NFIC: variants seen among roughly 807,000 people sequenced by gnomAD.
The protein encoded by NFIC is nuclear factor I C, also known as nuclear factor 1 C-type.
In NFIC, 12 loss-of-function variants were observed where a neutral mutation model predicts 54.4. The observed-to-expected ratio is 0.22, with a 90% CI of 0.14 to 0.36. The LOEUF is 0.36. Ranked by LOEUF, NFIC falls within the 10% of genes least tolerant of loss-of-function variation. The pLI is 1.00. For synonymous variants in NFIC, 322 were observed against 319.2 expected, an observed-to-expected ratio of 1.01 and a Z score of -0.09; for missense variants, 575 against 718.2, an observed-to-expected ratio of 0.80 and a Z score of 2.28.
Position 3,438,498 on chromosome 19 carries a change from C to T in NFIC, c.958+3291C>T, listed in dbSNP as rs188132389. Reference sequence around the variant, plus strand: ...TGTCGCCCAGGCTGGAGTGCAGTGGCGCCATCTCAGCTCACTGCAAGCTCC... The same window carrying T: ...TGTCGCCCAGGCTGGAGTGCAGTGGTGCCATCTCAGCTCACTGCAAGCTCC... On this transcript the variant is annotated intron_variant, in intron 6 of 10. Coordinates refer to ENST00000443272, the MANE Select transcript of NFIC (RefSeq NM_001245002.2). Among the ~76,000 whole-genome samples the T allele has an allele frequency of 1.9e-4, 28 of 149,286 alleles. No homozygotes were observed. In the East Asian group the frequency reaches 3.5e-3, roughly 19 times the overall value.
chr19:3,457,839 G>A (rs993563469), intron 10 of NFIC: 1 of 152,262 alleles, frequency 6.6e-6, no homozygotes, highest in African/African-American at 2.4e-5. Context: ...TCCCTGTGCT[G>A]GGTGCCCAGG....
rs1233569252 is a variant in NFIC, at chr19:3,467,970, TC to T, written c.*5203del. On this transcript the variant is annotated 3_prime_UTR_variant, in exon 11 of 11. Transcript: ENST00000443272. Reference sequence around the variant, plus strand: ...CCCCATTTCTGCCACGTCAGACACTTCCTGAGAGTCTCACCTTCAAAATGAC... The same window carrying T: ...CCCCATTTCTGCCACGTCAGACACTTCTGAGAGTCTCACCTTCAAAATGAC... 2 of 151,354 alleles carry T rather than the reference TC, an allele frequency of 1.3e-5. No homozygotes were observed. The highest frequency in any genetic ancestry group is 4.9e-5 in the African/African-American group (2 of 41,030). 9.4% of individuals were successfully genotyped at this position (151,354 alleles called of 1,614,324 possible). A position where few individuals can be genotyped will look rare whatever the true frequency, so the allele number is the denominator to read the frequency against.
In NFIC at chr19:3,375,061, C is replaced by A. The variant is rs1356543072; in HGVS notation, c.31-6651C>A. Reference sequence around the variant, plus strand: ...ACAGTTAGGGAGGAGGAAGGGAACTCAGATCTACGAGGGGCCAGATGAGAA... The same window carrying A: ...ACAGTTAGGGAGGAGGAAGGGAACTAAGATCTACGAGGGGCCAGATGAGAA... On this transcript the variant is annotated intron_variant, in intron 1 of 10. Transcript: ENST00000443272. The surrounding 1 kb of genome is among the most constrained non-coding windows in gnomAD (Gnocchi z 4.6). Among the ~76,000 whole-genome samples, 1 of 144,538 alleles carries A rather than the reference C, an allele frequency of 6.9e-6. No individual in the cohort carries two copies. The highest frequency in any genetic ancestry group is 2.0e-4 in the East Asian group (1 of 4,946). 94.8% of individuals were successfully genotyped at this position (144,538 alleles called of 152,430 possible). A position where few individuals can be genotyped will look rare whatever the true frequency, so the allele number is the denominator to read the frequency against.
chr19:3,387,850 G>A (rs991166103), intron 2 of NFIC, among the ~76,000 whole-genome samples: 24 of 151,988 alleles, frequency 1.6e-4, no homozygotes, highest in Admixed American at 1.2e-3. Flanking sequence ...GACCTGCCAC[G>A]TGCTGGGGAA....
chr19:3,380,517 C>T lies in NFIC; in HGVS notation c.31-1195C>T, dbSNP rs148415923. Among the ~76,000 whole-genome samples the T allele has an allele frequency of 7.5e-4, 113 of 150,584 alleles. No homozygotes were observed. In the East Asian group the frequency reaches 0.017, roughly 22 times the overall value. Reference sequence around the variant, plus strand: ...CATTTTTTTGTATTTTTAGTAGGGACGGGGTTTTGCCATGTTGGCCGGGCT... The same window carrying T: ...CATTTTTTTGTATTTTTAGTAGGGATGGGGTTTTGCCATGTTGGCCGGGCT... On this transcript the variant is annotated intron_variant, in intron 1 of 10. Transcript: ENST00000443272.
chr19:3,412,321 C>T (rs1281349992), intron 2 of NFIC, among the ~76,000 whole-genome samples: 1 of 152,148 alleles, frequency 6.6e-6, no homozygotes, highest in Non-Finnish European at 1.5e-5. Context: ...GATCTTAGCT[C>T]ACTGCAGACT....
At chr19:3,446,877 T>A (rs2082380735) in intron 6 of NFIC, among the ~76,000 whole-genome samples, 1 of 149,090 alleles carries the variant, frequency 6.7e-6, no homozygotes, top group African/African-American at 2.5e-5. Context: ...AAAAAAAAAA[T>A]TGCCTGGACA....
chr19:3,375,557 G>A lies in NFIC; in HGVS notation c.31-6155G>A, dbSNP rs755221361. 1.3e-5 allele frequency among the ~76,000 whole-genome samples: 2 copies of A among 152,256 alleles called. No homozygotes were observed. The highest frequency in any genetic ancestry group is 2.9e-5 in the Non-Finnish European group (2 of 68,050). Reference sequence around the variant, plus strand: ...ACCTCCCCTTTGCCTTAGCAGGTTGGCTGGGGAAGCGGGGGCAGCGGAAAA... The same window carrying A: ...ACCTCCCCTTTGCCTTAGCAGGTTGACTGGGGAAGCGGGGGCAGCGGAAAA... On this transcript the variant is annotated intron_variant, in intron 1 of 10. Coordinates refer to ENST00000443272, the MANE Select transcript of NFIC (RefSeq NM_001245002.2). This position sits in a 1 kb window ranked among gnomAD's most constrained non-coding sequence, Gnocchi z 4.6.
intron 6 of NFIC, 104 bp downstream of exon 6, chr19:3,435,311 C>T (rs1469417926): frequency 2.1e-6 from 3 of 1,406,948 alleles, no homozygotes; most frequent in Non-Finnish European, 2.8e-6. Context: ...GGCAGGAAGC[C>T]GGCCTGGAGC....
At position 3,402,850 on chromosome 19, in the gene NFIC, G is replaced by T. The variant is rs1324670461; in HGVS notation, c.562+20607G>T. On this transcript the variant is annotated intron_variant, in intron 2 of 10. Transcript: ENST00000443272. ...GGTGCATTGGAGGAACAGCGAGGAG[G>T]CCCCTGTGGCTGGAGCAGAGTGAGT... Among the ~76,000 whole-genome samples the T allele has an allele frequency of 3.3e-5, 5 of 152,284 alleles. No individual in the cohort carries two copies. The East Asian group carries it at 5.8e-4, about 18-fold the overall frequency.
At chr19:3,447,950 G>A (rs1035108866) in intron 6 of NFIC, among the ~76,000 whole-genome samples, 6 of 152,246 alleles carry the variant, frequency 3.9e-5, no homozygotes, top group Non-Finnish European at 8.8e-5. Context: ...TGTTGCCTGG[G>A]CTGGAGTGCA....
At chr19:3,380,085 C>G (rs34827462) in intron 1 of NFIC, among the ~76,000 whole-genome samples, 18,481 of 151,622 alleles carry the variant, frequency 0.12, 1,564 homozygotes, top group East Asian at 0.35. Context: ...ACTGCAAGCT[C>G]CGCCTCCCGG....
At chr19:3,444,733 A>T (rs1339448870) in intron 6 of NFIC, among the ~76,000 whole-genome samples, 1 of 152,166 alleles carries the variant, frequency 6.6e-6, no homozygotes, top group Non-Finnish European at 1.5e-5. Flanking sequence ...ATCCTCCTAA[A>T]TGAGCGTCTG....
intron 3 of NFIC, among the ~76,000 whole-genome samples, chr19:3,431,560 GGTTTCGCCAT>G (rs1235725699): frequency 6.6e-6 from 1 of 151,134 alleles, no homozygotes; most frequent in East Asian, 1.9e-4. Flanking sequence ...GTAGGGATGG[GGTTTCGCCAT>G]GTTGCCCAGT....
chr19:3,427,828 A>C (rs2082050171), intron 3 of NFIC, among the ~76,000 whole-genome samples: 1 of 149,434 alleles, frequency 6.7e-6, no homozygotes, highest in East Asian at 2.0e-4. Context: ...AAAAAAAAAA[A>C]AAAGAAGAAG....
Position 3,448,999 on chromosome 19 carries a change from C to T in NFIC, c.959-15C>T, listed in dbSNP as rs1254026537. 1 of 1,609,464 alleles carries T rather than the reference C, an allele frequency of 6.2e-7. No homozygotes were observed. The highest frequency in any genetic ancestry group is 2.2e-5 in the East Asian group (1 of 44,818). On this transcript the variant is annotated splice_polypyrimidine_tract_variant and intron_variant, in intron 6 of 10. Coordinates refer to ENST00000443272, the MANE Select transcript of NFIC (RefSeq NM_001245002.2). Reference sequence around the variant, plus strand: ...GTGACCAGCCTGTGACTCTCTCGTCCCATCCCCTCCACAGGCATCTCGTCC... The same window carrying T: ...GTGACCAGCCTGTGACTCTCTCGTCTCATCCCCTCCACAGGCATCTCGTCC...
At chr19:3,359,738 C>T in intron 1 of NFIC, 2 of 1,380,842 alleles carry the variant, frequency 1.4e-6, no homozygotes, top group East Asian at 3.2e-5. Flanking sequence ...TGGGGTGGTG[C>T]GTGGGCTCCG....
intron 3 of NFIC, among the ~76,000 whole-genome samples, chr19:3,425,894 A>T (rs2082019547): frequency 7.2e-6 from 1 of 138,660 alleles, no homozygotes; most frequent in Non-Finnish European, 1.5e-5. Context: ...AGCTGGGACT[A>T]CAGGTGTGCA....
intron 1 of NFIC, 114 bp downstream of exon 1, chr19:3,366,780 C>A: frequency 1.3e-6 from 1 of 742,446 alleles, no homozygotes; most frequent in Non-Finnish European, 2.0e-6. Flanking sequence ...TCCCGCCATC[C>A]CTGCCCGGGA....
Sources: gnomAD v4.1 joint callset for allele counts (sites outside exome capture counted in the v4.1 genomes callset) on GRCh38, gnomAD v4.1.1 for gene constraint, Gnocchi (gnomAD v3.1) non-coding constraint, MANE v1.5 for transcripts, NCBI Gene and HGNC (gene_info 2026-07-23, HGNC 2026-07-21) for gene names.